The following SLC9A5 variants were observed in gnomAD, a reference collection of about 807,000 sequenced individuals.
The protein encoded by SLC9A5 is solute carrier family 9 member A5.
SLC9A5 carries 52 observed loss-of-function variants against 91.7 expected under a neutral mutation model. The ratio of observed to expected loss-of-function variants is 0.57; its 90% CI spans 0.45 to 0.71. The LOEUF is 0.71. Among genes scored for constraint, SLC9A5 ranks in the 30% least tolerant of loss-of-function variants. The probability of loss-of-function intolerance (pLI) is 0.00; values close to 1 mark genes in which losing one functional copy is unlikely to be tolerated. For synonymous variants in SLC9A5, 419 were observed against 474.5 expected (o/e 0.88, Z 1.52); for missense variants, 871 against 1,158.9 (o/e 0.75, Z 3.61).
Position 67,270,923 on chromosome 16 carries a change from G to A in SLC9A5, c.2404G>A (p.Ala802Thr), listed in dbSNP as rs923653070. The A allele has an allele frequency of 1.2e-6, 2 of 1,613,908 alleles. No homozygotes were observed. The highest frequency in any genetic ancestry group is 3.3e-5 in the Admixed American group (2 of 59,982). ...GAGCATCTCATCCCTGGAGAGCCTA[G>A]CGTCCCCTCCCTGTAACCAGGCCCC... ...NQSISSLESL[A>T]SPPCNQAPIL... Residue 802 changes from alanine to threonine, a missense_variant, in exon 16 of 16, where the codon GCG becomes ACG. By Grantham distance (58) the Ala-to-Thr change is moderately conservative. Coordinates refer to ENST00000299798, the MANE Select transcript of SLC9A5 (RefSeq NM_004594.3). This position sits in a 1 kb window ranked among gnomAD's most constrained non-coding sequence, Gnocchi z 4.3.
intron 11 of SLC9A5, 30 bp downstream of exon 11, chr16:67,259,691 A>G: frequency 1.2e-6 from 2 of 1,604,626 alleles, no homozygotes; most frequent in Non-Finnish European, 1.7e-6. Context: ...CCCCTTCCTC[A>G]TACTCCTCTC....
At position 67,256,407 on chromosome 16, in the gene SLC9A5, C is replaced by G. The variant is rs2035319354; in HGVS notation, c.912-62C>G. 1 of 1,184,212 alleles carries G rather than the reference C, an allele frequency of 8.4e-7. No individual in the cohort carries two copies. Among genetic ancestry groups the G allele is most frequent in the South Asian group, 1.2e-5 (1 of 82,106 alleles). The allele number at this position is 1,184,212 out of a possible 1,614,324, so 73.4% of individuals were successfully genotyped here. A position where few individuals can be genotyped will look rare whatever the true frequency, so the allele number is the denominator to read the frequency against. On this transcript the variant is annotated intron_variant, in intron 5 of 15. Transcript: ENST00000299798. This position sits in a 1 kb window ranked among gnomAD's most constrained non-coding sequence, Gnocchi z 4.1. ...TGCCCCCTCCTGCAGTATGCTCAAA[C>G]CCTGGAGGCTGAGCCCCCTGGAACC...
intron 14 of SLC9A5, 114 bp downstream of exon 14, chr16:67,265,220 G>GAGGAAGAGCCCCA: frequency 1.1e-6 from 1 of 916,840 alleles, no homozygotes; most frequent in Non-Finnish European, 1.7e-6. Context: ...CCGTGACCTG[G>GAGGAAGAGCCCCA]GGCTCTTCCT....
Position 67,256,147 on chromosome 16 carries a change from G to A in SLC9A5, c.911+217G>A, listed in dbSNP as rs2035308851. On this transcript the variant is annotated intron_variant, in intron 5 of 15. Transcript: ENST00000299798. This position sits in a 1 kb window ranked among gnomAD's most constrained non-coding sequence, Gnocchi z 4.1. ...CTCAGCACCCTGAAACCCTCTGGGTGTAGGCTGGGCTGGAAGTAGACTTTA... is the reference window on the plus strand; with the variant it reads ...CTCAGCACCCTGAAACCCTCTGGGTATAGGCTGGGCTGGAAGTAGACTTTA... Among the ~76,000 whole-genome samples the A allele has an allele frequency of 6.6e-6, 1 of 152,228 alleles. No homozygotes were observed.
In SLC9A5 at chr16:67,271,125, T is replaced by C. The variant is rs1477315588; in HGVS notation, c.2606T>C (p.Met869Thr). 2.5e-6 allele frequency: 4 copies of C among 1,613,680 alleles called. No homozygotes were observed. Among genetic ancestry groups the C allele is most frequent in the Admixed American group, 1.7e-5 (1 of 60,030 alleles). ...LPQQQELQPLMGHKDHTHLSP... is the reference protein window; with the variant it reads ...LPQQQELQPLTGHKDHTHLSP... ...CAGCAGCAGGAGCTGCAGCCCCTCA[T>C]GGGCCACAAGGACCACACCCATCTC... Residue 869 changes from methionine (M) to threonine (T), a missense_variant, in exon 16 of 16, where the codon ATG (methionine) becomes ACG (threonine). By Grantham distance (81) the Met-to-Thr change is moderately conservative. Coordinates refer to ENST00000299798, the MANE Select transcript of SLC9A5 (RefSeq NM_004594.3).
chr16:67,249,612 C>A lies in SLC9A5; in HGVS notation c.187+411C>A, dbSNP rs949599429. On this transcript the variant is annotated intron_variant, in intron 1 of 15. Transcript: ENST00000299798. ...GAGGGTGTTCTCCCAAGAACACAGG[C>A]ATCCTGGTTCTGAAAAAGCAGCCTT... 2.6e-5 allele frequency among the ~76,000 whole-genome samples: 4 copies of A among 152,150 alleles called. No individual in the cohort carries two copies. In the East Asian group the frequency reaches 7.7e-4, roughly 29 times the overall value.
chr16:67,260,185 T>A (rs1261996008), intron 12 of SLC9A5, among the ~76,000 whole-genome samples: 1 of 151,574 alleles, frequency 6.6e-6, no homozygotes, highest in Non-Finnish European at 1.5e-5. Flanking sequence ...TGAAACCCCA[T>A]CTCTACTAAA....
chr16:67,258,457 C>G lies in SLC9A5; in HGVS notation c.1626+10C>G, dbSNP rs1160289333. Reference sequence around the variant, plus strand: ...CAGCTTTGTGGACCAGGTGGGCCAGCAGCTTCCAGGTGGGCCAGTGGTGGG... The same window carrying G: ...CAGCTTTGTGGACCAGGTGGGCCAGGAGCTTCCAGGTGGGCCAGTGGTGGG... On this transcript the variant is annotated intron_variant, in intron 10 of 15. Coordinates refer to ENST00000299798, the MANE Select transcript of SLC9A5 (RefSeq NM_004594.3). The surrounding 1 kb of genome is among the most constrained non-coding windows in gnomAD (Gnocchi z 4.5). The G allele has an allele frequency of 6.2e-7, 1 of 1,613,996 alleles. No homozygotes were observed. The highest frequency in any genetic ancestry group is 1.1e-5 in the South Asian group (1 of 91,084).
Position 67,257,894 on chromosome 16 carries a change from C to T in SLC9A5, c.1496+293C>T, listed in dbSNP as rs185799994. Reference sequence around the variant, plus strand: ...GGACCCTGTCTTAGATCCTCAGGACCCACCATGCTCCCCCAGCCTGGCCAC... The same window carrying T: ...GGACCCTGTCTTAGATCCTCAGGACTCACCATGCTCCCCCAGCCTGGCCAC... On this transcript the variant is annotated intron_variant, in intron 9 of 15. Transcript: ENST00000299798. The surrounding 1 kb of genome is among the most constrained non-coding windows in gnomAD (Gnocchi z 5.1). Among the ~76,000 whole-genome samples the T allele has an allele frequency of 1.3e-5, 2 of 152,332 alleles. No homozygotes were observed. The highest frequency in any genetic ancestry group is 3.9e-4 in the East Asian group (2 of 5,182).
In SLC9A5 at chr16:67,251,437, A is replaced by T. The variant is rs529820759; in HGVS notation, c.188-1105A>T. On this transcript the variant is annotated intron_variant, in intron 1 of 15. Coordinates refer to ENST00000299798, the MANE Select transcript of SLC9A5 (RefSeq NM_004594.3). Reference sequence around the variant, plus strand: ...TTTTTTTTTTTTTTTTTTTTGAGACAGAGTCTCACTCTGTCACCCAGGCTG... The same window carrying T: ...TTTTTTTTTTTTTTTTTTTTGAGACTGAGTCTCACTCTGTCACCCAGGCTG... 9.0e-5 allele frequency among the ~76,000 whole-genome samples: 10 copies of T among 111,080 alleles called. 1 individual carries two copies. In the South Asian group the frequency reaches 3.0e-3, roughly 33 times the overall value. The allele number at this position is 111,080 out of a possible 152,430, so 72.9% of individuals were successfully genotyped here.
rs372545331 is a variant in SLC9A5 at position 67,270,837 on chromosome 16, T to A, written c.2318T>A (p.Val773Glu). ...PWKSGQGDLA[V>E]YVSSETTKIV... ...AAGAGTGGGCAGGGGGACCTGGCAG[T>A]GTACGTGTCCTCGGAAACCACCAAG... Residue 773 changes from valine to glutamate, a missense_variant, in exon 16 of 16, where the codon GTG becomes GAG. Val to Glu is a moderately radical substitution (Grantham distance 121). This residue lies in a region of SLC9A5 where 295 missense variants were observed against 326.0 expected (regional missense o/e 0.90). Transcript: ENST00000299798. This position sits in a 1 kb window ranked among gnomAD's most constrained non-coding sequence, Gnocchi z 4.3. 2 of 1,614,062 alleles carry A rather than the reference T, an allele frequency of 1.2e-6. No homozygotes were observed. The highest frequency in any genetic ancestry group is 1.7e-6 in the Non-Finnish European group (2 of 1,179,980).
Position 67,255,226 on chromosome 16 carries a change from G to A in SLC9A5, c.654+42G>A, listed in dbSNP as rs1189962884. On this transcript the variant is annotated intron_variant, in intron 3 of 15. Transcript: ENST00000299798. The surrounding 1 kb of genome is among the most constrained non-coding windows in gnomAD (Gnocchi z 4.9). Reference sequence around the variant, plus strand: ...GACTGCCATTCCCTGACCCCAGGCTGCATGCTCTGACCAACTAGGGGTCTG... The same window carrying A: ...GACTGCCATTCCCTGACCCCAGGCTACATGCTCTGACCAACTAGGGGTCTG... 1.3e-6 allele frequency: 2 copies of A among 1,598,366 alleles called. No homozygotes were observed. Among genetic ancestry groups the A allele is most frequent in the East Asian group, 2.2e-5 (1 of 44,686 alleles).
chr16:67,258,397 G>C lies in SLC9A5; in HGVS notation c.1576G>C (p.Asp526His). ...SAYRIRDQIW[D>H]VYYRLNIRDA... ...CTACCGCATCCGGGACCAGATCTGG[G>C]ATGTGTACTACAGGCTTAACATCCG... The change falls in exon 10 of 16, where the codon GAT becomes CAT. Residue 526 changes from aspartate (D) to histidine (H), a missense_variant. Transcript: ENST00000299798. This position sits in a 1 kb window ranked among gnomAD's most constrained non-coding sequence, Gnocchi z 4.5. 6.2e-7 allele frequency: 1 copy of C among 1,614,228 alleles called. No homozygotes were observed. The highest frequency in any genetic ancestry group is 8.5e-7 in the Non-Finnish European group (1 of 1,180,036).
chr16:67,263,233 G>A (rs769107231), intron 12 of SLC9A5: 2 of 152,288 alleles, frequency 1.3e-5, no homozygotes, highest in African/African-American at 2.4e-5. Context: ...CCCCAGGAGA[G>A]AGGGTACCTC....
chr16:67,249,213 T>G lies in SLC9A5; in HGVS notation c.187+12T>G. 1 of 1,448,950 alleles carries G rather than the reference T, an allele frequency of 6.9e-7. No individual in the cohort carries two copies. The highest frequency in any genetic ancestry group is 9.1e-7 in the Non-Finnish European group (1 of 1,102,300). The allele number at this position is 1,448,950 out of a possible 1,614,324, so 89.8% of individuals were successfully genotyped here. A position where few individuals can be genotyped will look rare whatever the true frequency, so the allele number is the denominator to read the frequency against. ...TCTGGCCAAAATCGGTGAGTGCGTG[T>G]GTGCGTGCGCCAGGCCGACCGCCAG... On this transcript the variant is annotated intron_variant, in intron 1 of 15. Transcript: ENST00000299798.
intron 15 of SLC9A5, 91 bp downstream of exon 15, chr16:67,266,316 T>C: frequency 7.9e-7 from 1 of 1,270,266 alleles, no homozygotes; most frequent in Admixed American, 2.7e-5. Flanking sequence ...AACTCCCTTT[T>C]CCTATTCACT....
At chr16:67,263,324 G>A (rs940421726) in intron 12 of SLC9A5, 2 of 152,076 alleles carry the variant, frequency 1.3e-5, no homozygotes, top group Non-Finnish European at 2.9e-5. Context: ...CAGAAAATAT[G>A]AGATAAAGGG....
intron 15 of SLC9A5, among the ~76,000 whole-genome samples, chr16:67,266,794 G>T (rs1316910256): frequency 1.3e-5 from 2 of 150,486 alleles, no homozygotes; most frequent in Admixed American, 6.6e-5. Context: ...ACCCACCTTG[G>T]TCTCCCAAAG....
intron 15 of SLC9A5, among the ~76,000 whole-genome samples, chr16:67,268,656 GATTATAT>G (rs1237135098): frequency 5.5e-5 from 3 of 54,860 alleles, no homozygotes; most frequent in Non-Finnish European, 1.0e-4. Context: ...AAATTTCCCT[GATTATAT>G]ATATATATAT....
Sources: allele counts gnomAD v4.1 joint callset (sites outside exome capture counted in the v4.1 genomes callset), GRCh38; gene constraint gnomAD v4.1.1; regional missense constraint gnomAD v4.1.1; non-coding constraint Gnocchi (gnomAD v3.1); transcripts MANE v1.5; gene names NCBI Gene and HGNC (gene_info 2026-07-23, HGNC 2026-07-21).